EHMT2: variants seen among roughly 807,000 people sequenced by gnomAD.
EHMT2 encodes histone-lysine N-methyltransferase EHMT2.
In EHMT2, 59 loss-of-function variants were observed where a neutral mutation model predicts 143.3. The ratio of observed to expected loss-of-function variants is 0.41; its 90% CI spans 0.33 to 0.51. EHMT2 has a LOEUF of 0.51. Ranked by LOEUF, EHMT2 falls within the 20% of genes least tolerant of loss-of-function variation. EHMT2 has a pLI of 0.18. For missense variants in EHMT2, 1,174 were observed against 1,645.9 expected, an observed-to-expected ratio of 0.71 and a Z score of 4.96; for synonymous variants, 604 against 651.5, an observed-to-expected ratio of 0.93 and a Z score of 1.11.
chr6:31,896,956 G>T, exon 2 of EHMT2: 1 of 1,590,418 alleles, frequency 6.3e-7, no homozygotes, highest in Non-Finnish European at 8.5e-7. Context: ...TCCTTCTCCA[G>T]CAGCAGCGCC....
Position 31,880,932 on chromosome 6 carries a change from C to T in EHMT2, c.3276+82G>A. On this transcript the variant is annotated intron_variant, in intron 26 of 27. Transcript: ENST00000375537. The surrounding 1 kb of genome is among the most constrained non-coding windows in gnomAD (Gnocchi z 6.6). ...CACTGACTCCCCAGTCCCTCCTCCC[C>T]AGGTTTCCATTTGCTGACTTCCCAG... 1.9e-6 allele frequency: 3 copies of T among 1,609,480 alleles called. No homozygotes were observed. Among genetic ancestry groups the T allele is most frequent in the Middle Eastern group, 1.7e-4 (1 of 6,036 alleles).
intron 4 of EHMT2, among the ~76,000 whole-genome samples, chr6:31,894,977 T>C (rs1032713505): frequency 6.6e-6 from 1 of 152,244 alleles, no homozygotes; most frequent in Non-Finnish European, 1.5e-5. Flanking sequence ...TATGTTATTA[T>C]TGTTGTTAAT....
chr6:31,896,502 A>G (rs1356322617), exon 4 of EHMT2: 1 of 1,612,814 alleles, frequency 6.2e-7, no homozygotes, highest in South Asian at 1.1e-5. Context: ...GAGGGGAATG[A>G]CTTTGTGGCA....
chr6:31,893,771 T>C (rs950824703), intron 4 of EHMT2: 2 of 201,094 alleles, frequency 9.9e-6, no homozygotes, highest in Non-Finnish European at 2.1e-5. Flanking sequence ...TACTGTATGA[T>C]TACACTTAGA....
In EHMT2 at chr6:31,883,879, T is replaced by G; in HGVS notation, c.2843A>C (p.Glu948Ala). ...GTTCTCTGAGATGTACTTGTAATCC[T>G]CAGGGCAGGGCTCCCCATCCACACC... The change falls in exon 22 of 28, where the codon GAG becomes GCG. Residue 948 changes from glutamate (E) to alanine (A), a missense_variant. Glu to Ala is a moderately radical substitution (Grantham distance 107). Around this residue, in one of 6 missense-constraint regions of EHMT2, gnomAD observed 608 missense variants for 903.7 expected, o/e 0.67. Transcript: ENST00000375537. The surrounding 1 kb of genome is among the most constrained non-coding windows in gnomAD (Gnocchi z 5.6). The G allele has an allele frequency of 6.2e-7, 1 of 1,613,966 alleles. No individual in the cohort carries two copies. The highest frequency in any genetic ancestry group is 8.5e-7 in the Non-Finnish European group (1 of 1,179,976).
In EHMT2 at chr6:31,886,948, G is replaced by A. The variant is rs894131798; in HGVS notation, c.2118+47C>T. The A allele has an allele frequency of 5.6e-6, 9 of 1,613,722 alleles. No homozygotes were observed. In the Admixed American group the frequency reaches 8.3e-5, roughly 15 times the overall value. On this transcript the variant is annotated intron_variant, in intron 16 of 27. Coordinates refer to ENST00000375537, the Ensembl canonical transcript of EHMT2. ...CCAGGGAGGCATGGGGCAGGGGAGG[G>A]GCCTAAGGGCCTGGTGAATGAGGCA...
At chr6:31,893,595 C>T (rs1290460632) in intron 4 of EHMT2, 6 of 257,744 alleles carry the variant, frequency 2.3e-5, no homozygotes, top group Admixed American at 4.7e-5. Context: ...GGATTACAGG[C>T]GTGAGTCACT....
chr6:31,882,895 T>C, exon 24 of EHMT2: 1 of 1,612,870 alleles, frequency 6.2e-7, no homozygotes. Flanking sequence ...GGGCCTCACT[T>C]GATGCCACTC....
chr6:31,893,877 A>G (rs1167162329), intron 4 of EHMT2, among the ~76,000 whole-genome samples: 1 of 152,220 alleles, frequency 6.6e-6, no homozygotes, highest in Non-Finnish European at 1.5e-5. Flanking sequence ...TTTAATGGGT[A>G]CAGAGTTTCA....
In EHMT2 at chr6:31,883,538, G is replaced by T; in HGVS notation, c.2917-99C>A. Reference sequence around the variant, plus strand: ...CCCCTAACCACTGTCCTTTCTTTGGGGTCCATGTGTTACAACAGTGGGTGG... The same window carrying T: ...CCCCTAACCACTGTCCTTTCTTTGGTGTCCATGTGTTACAACAGTGGGTGG... On this transcript the variant is annotated intron_variant, in intron 22 of 27. Transcript: ENST00000375537. This position sits in a 1 kb window ranked among gnomAD's most constrained non-coding sequence, Gnocchi z 5.6. 1 of 1,283,570 alleles carries T rather than the reference G, an allele frequency of 7.8e-7. No homozygotes were observed. The highest frequency in any genetic ancestry group is 1.1e-6 in the Non-Finnish European group (1 of 904,030). 79.5% of individuals were successfully genotyped at this position (1,283,570 alleles called of 1,614,324 possible). A position where few individuals can be genotyped will look rare whatever the true frequency, so the allele number is the denominator to read the frequency against.
intron 7 of EHMT2, among the ~76,000 whole-genome samples, chr6:31,890,914 T>C (rs1765599113): frequency 6.6e-6 from 1 of 151,414 alleles, no homozygotes; most frequent in South Asian, 2.1e-4. Flanking sequence ...TGGGGAAACC[T>C]AAATACTGAG....
At chr6:31,886,322 A>G (rs897472181) in intron 18 of EHMT2, 7 of 524,992 alleles carry the variant, frequency 1.3e-5, no homozygotes, top group African/African-American at 9.5e-5. Flanking sequence ...CCAATGTATG[A>G]CAACCCAAGA....
rs1473785231 is a variant in EHMT2 at position 31,881,402 on chromosome 6, C to T, written c.3198-310G>A. The T allele has an allele frequency of 2.0e-6, 1 of 501,124 alleles. No homozygotes were observed. Among genetic ancestry groups the T allele is most frequent in the African/African-American group, 1.9e-5 (1 of 51,864 alleles). The allele number at this position is 501,124 out of a possible 1,614,324, so 31.0% of individuals were successfully genotyped here. ...AGAGAGGTTTGTGTTCCAGGAGCCA[C>T]CCGGCAGGAATGGGCGATATGGAAC... On this transcript the variant is annotated intron_variant, in intron 25 of 27. Transcript: ENST00000375537. The surrounding 1 kb of genome is among the most constrained non-coding windows in gnomAD (Gnocchi z 4.8).
At chr6:31,882,595 G>T in intron 25 of EHMT2, 104 bp downstream of exon 25, 1 of 1,140,272 alleles carries the variant, frequency 8.8e-7, no homozygotes. Flanking sequence ...GCCAGATGGA[G>T]ACATGTGACT....
In EHMT2 at chr6:31,890,674, G is replaced by A. The variant is rs56157256; in HGVS notation, c.865-1072C>T. 8.9e-3 allele frequency among the ~76,000 whole-genome samples: 1,338 copies of A among 150,894 alleles called. 20 individuals carry two copies. The highest frequency in any genetic ancestry group is 0.031 in the African/African-American group (1,282 of 41,288). On this transcript the variant is annotated intron_variant, in intron 7 of 27. Transcript: ENST00000375537. ...AGATCAGGAGTTTGAGACCAGCCTG[G>A]CCAACATAGTGAAACCCTGCCTCTA...
At position 31,880,012 on chromosome 6, in the gene EHMT2, C is replaced by T. The variant is rs541358482; in HGVS notation, c.*72G>A. The T allele has an allele frequency of 1.5e-4, 237 of 1,536,340 alleles. No individual in the cohort carries two copies. The highest frequency in any genetic ancestry group is 2.0e-4 in the Non-Finnish European group (220 of 1,127,166). ...TGGCAGCACCCCCAGGCATGGGCTG[C>T]GAGCAGCTGGTGGCAGAGGAGGCGG... is the stretch of plus-strand genomic sequence containing the variant. On this transcript the variant is annotated 3_prime_UTR_variant, in exon 28 of 28. Coordinates refer to ENST00000375537, the Ensembl canonical transcript of EHMT2. The surrounding 1 kb of genome is among the most constrained non-coding windows in gnomAD (Gnocchi z 6.6).
chr6:31,884,966 G>A lies in EHMT2; in HGVS notation c.2394C>T (p.Ile798=), dbSNP rs1201196619. 5 of 1,611,282 alleles carry A rather than the reference G, an allele frequency of 3.1e-6. No individual in the cohort carries two copies. Among genetic ancestry groups the A allele is most frequent in the Non-Finnish European group, 4.2e-6 (5 of 1,178,170 alleles). The change falls in exon 19 of 28, where the codon ATC becomes ATT. Residue 798 remains isoleucine, a synonymous_variant. Transcript: ENST00000375537. This position sits in a 1 kb window ranked among gnomAD's most constrained non-coding sequence, Gnocchi z 7.3. ...GCGTCAGTAGCATGCGGATCACCTCGATGTGCTTGTGCTCTGCAGCCCAGA... is the reference window on the plus strand; with the variant it reads ...GCGTCAGTAGCATGCGGATCACCTCAATGTGCTTGTGCTCTGCAGCCCAGA...
In EHMT2 at chr6:31,888,633, T is replaced by C; in HGVS notation, c.1331A>G (p.His444Arg). 3.7e-6 allele frequency: 6 copies of C among 1,613,562 alleles called. No individual in the cohort carries two copies. The highest frequency in any genetic ancestry group is 5.1e-6 in the Non-Finnish European group (6 of 1,179,990). ...CACACTCTCAGTGGCCATGCACTTG[T>C]GCCCCGCCCTCTCGCTGATGCGGTC... The change falls in exon 11 of 28, where the codon CAC (histidine) becomes CGC (arginine). Residue 444 changes from histidine to arginine, a missense_variant. Around this residue, in one of 6 missense-constraint regions of EHMT2, gnomAD observed 608 missense variants for 903.7 expected, o/e 0.67. Coordinates refer to ENST00000375537, the Ensembl canonical transcript of EHMT2. This position sits in a 1 kb window ranked among gnomAD's most constrained non-coding sequence, Gnocchi z 7.4.
In EHMT2 at chr6:31,880,717, G is replaced by T. The variant is rs112461962; in HGVS notation, c.3408C>A (p.Ile1136=). The T allele has an allele frequency of 1.5e-5, 25 of 1,613,884 alleles. 1 individual carries two copies. In the African/African-American group the frequency reaches 2.3e-4, roughly 15 times the overall value. Reference sequence around the variant, plus strand: ...GGATGTCTCGGGAACTGAAGAAGGCGATGCGTGGAAATCGCAGGTCTTGGT... The same window carrying T: ...GGATGTCTCGGGAACTGAAGAAGGCTATGCGTGGAAATCGCAGGTCTTGGT... The change falls in exon 27 of 28, where the codon ATC becomes ATA. Residue 1136 remains isoleucine, a synonymous_variant. Transcript: ENST00000375537. The surrounding 1 kb of genome is among the most constrained non-coding windows in gnomAD (Gnocchi z 6.6).
Sources: gnomAD v4.1 joint callset for allele counts (sites outside exome capture counted in the v4.1 genomes callset) on GRCh38, gnomAD v4.1.1 for gene constraint, gnomAD v4.1.1 regional missense constraint, Gnocchi (gnomAD v3.1) non-coding constraint, MANE v1.5 for transcripts, NCBI Gene and HGNC (gene_info 2026-07-23, HGNC 2026-07-21) for gene names.